XKR9: variants seen among roughly 807,000 people sequenced by gnomAD.
The protein encoded by XKR9 is XK related 9, also known as XK-related protein 9.
In XKR9, 32 loss-of-function variants were observed where a neutral mutation model predicts 32.0. The observed-to-expected ratio is 1.00, with a 90% CI of 0.76 to 1.34. XKR9 has a LOEUF of 1.34. XKR9 is among the 40% of genes most tolerant of loss of function. The pLI, the probability that XKR9 is intolerant of heterozygous loss-of-function variation, is 0.00. For synonymous variants in XKR9, 168 were observed against 143.4 expected (o/e 1.17, Z -1.22); for missense variants, 546 against 429.7 (o/e 1.27, Z -2.39).
the XKR9 span, among the ~76,000 whole-genome samples, chr8:70,942,245 G>T: frequency 1.3e-5 from 2 of 152,086 alleles, no homozygotes; most frequent in Non-Finnish European, 2.9e-5. Context: ...ATAATTCCTT[G>T]TATCCTGGGA....
chr8:70,672,620 G>T (rs1231830782), intron 1 of XKR9, among the ~76,000 whole-genome samples: 1 of 152,140 alleles, frequency 6.6e-6, no homozygotes, highest in Admixed American at 6.6e-5. Flanking sequence ...GTGTGTGTGT[G>T]TGTGTATTTT....
chr8:70,733,670 T>G, intron 4 of XKR9, 126 bp from the exon 5 acceptor site: 214 of 903,368 alleles, frequency 2.4e-4, no homozygotes, highest in Middle Eastern at 3.7e-4. Context: ...AAAGATTAGA[T>G]GAGAAGAGTA....
chr8:71,050,248 T>C, the XKR9 span, among the ~76,000 whole-genome samples: 8 of 121,352 alleles, frequency 6.6e-5, no homozygotes, highest in East Asian at 1.3e-3. Context: ...TATATATATA[T>C]ATATATATAT....
At chr8:70,746,103 AT>A (rs920745113) in intron 2 of XKR9, among the ~76,000 whole-genome samples, 1 of 151,968 alleles carries the variant, frequency 6.6e-6, no homozygotes, top group Non-Finnish European at 1.5e-5. Flanking sequence ...TGTGCCTTTT[AT>A]TTTGTGAAAG....
intron 3 of XKR9, among the ~76,000 whole-genome samples, chr8:70,687,319 T>TTTCC (rs1819321697): frequency 1.0e-5 from 1 of 95,882 alleles, no homozygotes; most frequent in Non-Finnish European, 2.3e-5. Context: ...TCCCTCTTTC[T>TTTCC]TTCTTTCTTT....
chr8:71,032,633 T>C, the XKR9 span, among the ~76,000 whole-genome samples: 3 of 152,118 alleles, frequency 2.0e-5, no homozygotes, highest in African/African-American at 4.8e-5. Flanking sequence ...CCTGAGCCAA[T>C]AGGTCTGGAG....
chr8:70,802,424 T>C, the XKR9 span, among the ~76,000 whole-genome samples: 20 of 152,366 alleles, frequency 1.3e-4, no homozygotes, highest in Middle Eastern at 3.4e-3. Flanking sequence ...GTCTTGTTTC[T>C]TCATTCAACT....
At chr8:70,799,393 C>A in the XKR9 span, among the ~76,000 whole-genome samples, 13 of 152,136 alleles carry the variant, frequency 8.5e-5, no homozygotes, top group Non-Finnish European at 1.8e-4. Context: ...TGCTGCGGTG[C>A]GATCACGGAT....
At chr8:70,839,453 C>A in the XKR9 span, among the ~76,000 whole-genome samples, 2 of 152,084 alleles carry the variant, frequency 1.3e-5, no homozygotes, top group Non-Finnish European at 2.9e-5. Context: ...CTCAGATAAA[C>A]CAATACACTA....
the XKR9 span, among the ~76,000 whole-genome samples, chr8:70,994,619 T>A: frequency 6.6e-6 from 1 of 152,264 alleles, no homozygotes; most frequent in Non-Finnish European, 1.5e-5. Flanking sequence ...TGAAGTTTGG[T>A]GTTTGTCATT....
the XKR9 span, among the ~76,000 whole-genome samples, chr8:70,973,710 A>G: frequency 2.6e-4 from 40 of 152,208 alleles, no homozygotes; most frequent in Middle Eastern, 3.2e-3. Flanking sequence ...TCTTGATTTC[A>G]TCATTTACCC....
intron 2 of XKR9, among the ~76,000 whole-genome samples, chr8:70,743,415 G>T (rs117432667): frequency 0.011 from 1,606 of 152,218 alleles, 36 homozygotes; most frequent in Middle Eastern, 0.037. Flanking sequence ...TTTCTCTTGA[G>T]TATGGGTTAC....
chr8:70,756,003 C>A (rs1033398020), intron 2 of XKR9, among the ~76,000 whole-genome samples: 1 of 152,206 alleles, frequency 6.6e-6, no homozygotes, highest in East Asian at 1.9e-4. Context: ...ATAATATATG[C>A]ATTAGATTTA....
the XKR9 span, among the ~76,000 whole-genome samples, chr8:70,868,599 C>A: frequency 1.3e-5 from 2 of 152,074 alleles, no homozygotes; most frequent in Non-Finnish European, 2.9e-5. Context: ...CTGGGCCCAG[C>A]CCATGAAACC....
intron 3 of XKR9, among the ~76,000 whole-genome samples, chr8:70,687,366 C>CTTT (rs1158924327): frequency 1.9e-5 from 2 of 103,910 alleles, no homozygotes; most frequent in East Asian, 3.3e-4. Context: ...TTCTCTCTTT[C>CTTT]CTTTCTTTCT....
At chr8:70,922,339 A>G in the XKR9 span, among the ~76,000 whole-genome samples, 3 of 152,208 alleles carry the variant, frequency 2.0e-5, no homozygotes, top group Non-Finnish European at 4.4e-5. Flanking sequence ...TGTATGTACC[A>G]TAGTTTGTTG....
chr8:70,830,605 C>G, the XKR9 span, among the ~76,000 whole-genome samples: 3 of 152,006 alleles, frequency 2.0e-5, no homozygotes, highest in Non-Finnish European at 4.4e-5. Context: ...AAACATTAGT[C>G]ACTTACTCTT....
rs563720617 is a variant in XKR9, at chr8:70,683,575, C to T, written c.272+2245C>T. ...CCTTCCCAGCTCATTGCAGCCTCCA[C>T]CTCCTTGGTTCAAGAGATTCTCCTG... On this transcript the variant is annotated intron_variant, in intron 3 of 4. Transcript: ENST00000408926. 9 of 450,862 alleles carry T rather than the reference C, an allele frequency of 2.0e-5. No individual in the cohort carries two copies. In the East Asian group the frequency reaches 6.4e-4, roughly 32 times the overall value. 27.9% of individuals were successfully genotyped at this position (450,862 alleles called of 1,614,324 possible).
At chr8:70,712,107 A>G (rs560089020) in intron 4 of XKR9, among the ~76,000 whole-genome samples, 4 of 152,276 alleles carry the variant, frequency 2.6e-5, no homozygotes, top group South Asian at 4.1e-4. Context: ...ACAGTAAAAG[A>G]GTAAAAACAG....
Sources: gnomAD v4.1 joint callset for allele counts (sites outside exome capture counted in the v4.1 genomes callset) on GRCh38, gnomAD v4.1.1 for gene constraint, MANE v1.5 for transcripts, NCBI Gene and HGNC (gene_info 2026-07-23, HGNC 2026-07-21) for gene names.